Variants in HSD11B1 observed in about 807,000 individuals in gnomAD.
The protein encoded by HSD11B1 is hydroxysteroid 11-beta dehydrogenase 1.
A neutral mutation model predicts 22.1 loss-of-function variants in HSD11B1; 15 were observed. The observed-to-expected ratio is 0.68, with a 90% CI of 0.45 to 1.04. The LOEUF is 1.04. Among genes scored for constraint, HSD11B1 ranks in the 50% least tolerant of loss-of-function variants. HSD11B1 has a pLI of 0.00. For synonymous variants in HSD11B1, 122 were observed against 125.2 expected (o/e 0.97, Z 0.17); for missense variants, 281 against 357.6 (o/e 0.79, Z 1.73).
intron 1 of HSD11B1, among the ~76,000 whole-genome samples, chr1:209,705,522 C>A (rs1238694467): frequency 6.6e-6 from 1 of 152,096 alleles, no homozygotes; most frequent in Non-Finnish European, 1.5e-5. Context: ...TCTGGAACTC[C>A]AGCATTTTAG....
chr1:209,733,749 C>T (rs927464204), intron 5 of HSD11B1, among the ~76,000 whole-genome samples: 11 of 151,570 alleles, frequency 7.3e-5, no homozygotes, highest in African/African-American at 2.2e-4. Flanking sequence ...AGAGAGAGAC[C>T]GAGACCCAGG....
At chr1:209,692,609 G>GGGGGGGT (rs1553286709) in intron 1 of HSD11B1, among the ~76,000 whole-genome samples, 1 of 94,196 alleles carries the variant, frequency 1.1e-5, no homozygotes, top group Non-Finnish European at 2.3e-5. Context: ...TAAAATGGCG[G>GGGGGGGT]GGGGGGGGGT....
chr1:209,728,415 AT>A (rs1185100398), intron 4 of HSD11B1, among the ~76,000 whole-genome samples: 1 of 152,176 alleles, frequency 6.6e-6, no homozygotes, highest in Admixed American at 6.5e-5. Context: ...TGTGCTAAGT[AT>A]ATTACATGGG....
intron 4 of HSD11B1, among the ~76,000 whole-genome samples, chr1:209,715,412 T>TAA (rs552449604): frequency 7.0e-6 from 1 of 143,544 alleles, no homozygotes; most frequent in Non-Finnish European, 1.5e-5. Flanking sequence ...CATTCTCCAC[T>TAA]AAAAAAAAAA....
intron 4 of HSD11B1, among the ~76,000 whole-genome samples, chr1:209,716,801 T>C (rs968379504): frequency 2.0e-5 from 3 of 152,064 alleles, no homozygotes; most frequent in African/African-American, 4.8e-5. Flanking sequence ...AGAACATGCA[T>C]TGGGGAAAGG....
intron 1 of HSD11B1, among the ~76,000 whole-genome samples, chr1:209,693,243 G>A (rs1030569002): frequency 4.6e-5 from 7 of 152,184 alleles, no homozygotes; most frequent in East Asian, 1.9e-4. Flanking sequence ...GTGAAGCCTG[G>A]GAAAACTTTC....
chr1:209,717,469 G>C (rs370640448), intron 4 of HSD11B1, among the ~76,000 whole-genome samples: 3 of 152,170 alleles, frequency 2.0e-5, no homozygotes, highest in East Asian at 3.8e-4. Flanking sequence ...AATTATTACA[G>C]TCACTATAGA....
intron 1 of HSD11B1, among the ~76,000 whole-genome samples, chr1:209,691,424 G>A (rs1458158202): frequency 1.3e-5 from 2 of 152,174 alleles, no homozygotes; most frequent in African/African-American, 4.8e-5. Context: ...AAAAACGGGA[G>A]TTCCCATTCC....
chr1:209,690,687 A>T (rs1173131060), intron 1 of HSD11B1, among the ~76,000 whole-genome samples: 8 of 152,162 alleles, frequency 5.3e-5, no homozygotes, highest in Non-Finnish European at 1.0e-4. Context: ...ACAAGAGTGG[A>T]ATTCTGTCTC....
intron 1 of HSD11B1, among the ~76,000 whole-genome samples, chr1:209,695,001 G>A (rs2076782055): frequency 6.6e-6 from 1 of 152,152 alleles, no homozygotes; most frequent in Admixed American, 6.5e-5. Flanking sequence ...CCTGGTGGGA[G>A]GTGACTGGAT....
At chr1:209,692,614 GGGGGT>G (rs1301443802) in intron 1 of HSD11B1, among the ~76,000 whole-genome samples, 2 of 114,058 alleles carry the variant, frequency 1.8e-5, no homozygotes, top group Admixed American at 1.7e-4. Context: ...TGGCGGGGGG[GGGGGT>G]GGGGGCTCGG....
chr1:209,715,244 A>T (rs1182078730), intron 4 of HSD11B1, among the ~76,000 whole-genome samples: 3 of 152,124 alleles, frequency 2.0e-5, no homozygotes, highest in Non-Finnish European at 4.4e-5. Flanking sequence ...GTTGGATTGC[A>T]ATTGGAAGTG....
chr1:209,721,415 G>A (rs1042441355), intron 4 of HSD11B1, among the ~76,000 whole-genome samples: 2 of 148,658 alleles, frequency 1.3e-5, no homozygotes, highest in African/African-American at 2.5e-5. Context: ...AAAAAAAATA[G>A]GTTGTGTGTA....
chr1:209,695,355 G>A (rs538267804), intron 1 of HSD11B1, among the ~76,000 whole-genome samples: 1 of 152,310 alleles, frequency 6.6e-6, no homozygotes, highest in South Asian at 2.1e-4. Context: ...AGAATCGACT[G>A]TACTTGGTGA....
upstream of HSD11B1, among the ~76,000 whole-genome samples, chr1:209,701,935 T>C (rs2076829085): frequency 6.6e-6 from 1 of 152,178 alleles, no homozygotes; most frequent in African/African-American, 2.4e-5. Context: ...AGAGAATTCC[T>C]GGCTGGGCTC....
intron 1 of HSD11B1, among the ~76,000 whole-genome samples, chr1:209,687,364 A>G (rs760557845): frequency 1.3e-5 from 2 of 152,120 alleles, no homozygotes; most frequent in Non-Finnish European, 2.9e-5. Context: ...AGGTAAGGAG[A>G]GATGAAACAA....
At chr1:209,730,505 C>T (rs1398483346) in intron 4 of HSD11B1, among the ~76,000 whole-genome samples, 2 of 152,188 alleles carry the variant, frequency 1.3e-5, no homozygotes, top group Non-Finnish European at 2.9e-5. Flanking sequence ...AGAACTATTA[C>T]GTTGCATGGC....
chr1:209,729,404 A>C (rs2077022463), intron 4 of HSD11B1, among the ~76,000 whole-genome samples: 1 of 149,634 alleles, frequency 6.7e-6, no homozygotes, highest in African/African-American at 2.5e-5. Context: ...AAGTAAGTTA[A>C]AATTTAAATC....
intron 4 of HSD11B1, among the ~76,000 whole-genome samples, chr1:209,707,810 CA>C (rs2076870065): frequency 6.6e-6 from 1 of 151,776 alleles, no homozygotes; most frequent in South Asian, 2.1e-4. Context: ...CCTCCATGAC[CA>C]AAAGGTTGGT....
Sources: allele counts gnomAD v4.1 joint callset (sites outside exome capture counted in the v4.1 genomes callset), GRCh38; gene constraint gnomAD v4.1.1; transcripts MANE v1.5; gene names NCBI Gene and HGNC (gene_info 2026-07-23, HGNC 2026-07-21).